GPATCH2: variants seen among roughly 807,000 people sequenced by gnomAD.
The protein encoded by GPATCH2 is G-patch domain containing 2, also known as G patch domain-containing protein 2.
A neutral mutation model predicts 58.0 loss-of-function variants in GPATCH2; 51 were observed. That is an observed-to-expected ratio of 0.88 (90% CI 0.70 to 1.11). The LOEUF is 1.11. GPATCH2 is among the 50% of genes most tolerant of loss of function. The pLI is 0.00. For synonymous variants in GPATCH2, 222 were observed against 218.5 expected, an observed-to-expected ratio of 1.02 and a Z score of -0.14; for missense variants, 625 against 652.2, an observed-to-expected ratio of 0.96 and a Z score of 0.45.
chr1:217,607,673 C>T (rs1668425545), intron 5 of GPATCH2, among the ~76,000 whole-genome samples: 1 of 152,134 alleles, frequency 6.6e-6, no homozygotes, highest in South Asian at 2.1e-4. Context: ...CTGTCTTTCC[C>T]TTAGGAGCCA....
chr1:217,476,085 A>G (rs1192628035), intron 8 of GPATCH2, among the ~76,000 whole-genome samples: 1 of 152,144 alleles, frequency 6.6e-6, no homozygotes, highest in African/African-American at 2.4e-5. Flanking sequence ...AGGGATAGGC[A>G]CATAGAACAA....
intron 8 of GPATCH2, among the ~76,000 whole-genome samples, chr1:217,488,872 T>C (rs938952350): frequency 3.3e-5 from 5 of 151,680 alleles, no homozygotes; most frequent in African/African-American, 1.2e-4. Flanking sequence ...TTTTTTTTTT[T>C]TTTGTAGAGA....
chr1:217,532,054 T>C (rs1033182381), intron 5 of GPATCH2, among the ~76,000 whole-genome samples: 1 of 152,194 alleles, frequency 6.6e-6, no homozygotes, highest in Non-Finnish European at 1.5e-5. Flanking sequence ...AACATGGACA[T>C]AATGTCACTA....
In GPATCH2 at chr1:217,514,873, G is replaced by C. The variant is rs1453778693; in HGVS notation, c.1115C>G (p.Pro372Arg). The C allele has an allele frequency of 5.2e-6, 8 of 1,524,118 alleles. No homozygotes were observed. Among genetic ancestry groups the C allele is most frequent in the Non-Finnish European group, 7.3e-6 (8 of 1,098,368 alleles). 94.4% of individuals were successfully genotyped at this position (1,524,118 alleles called of 1,614,324 possible). Residue 372 changes from proline to arginine, a missense_variant, in exon 6 of 10, where the codon CCA becomes CGA. Coordinates refer to ENST00000366935, the MANE Select transcript of GPATCH2 (RefSeq NM_018040.5). ...ATGAACCATTCTCTTGTTACCCACT[G>C]GGCCAGGAATGGGTACCTACAGGGA... ...TPTSMVPIPG[P>R]VGNKRMVHFS...
In GPATCH2 at chr1:217,449,319, T is replaced by C. The variant is rs370802232; in HGVS notation, c.1296A>G (p.Leu432=). 4.4e-6 allele frequency: 7 copies of C among 1,598,748 alleles called. No individual in the cohort carries two copies. Among genetic ancestry groups the C allele is most frequent in the African/African-American group, 2.7e-5 (2 of 74,736 alleles). ...RTASRQTSMH[L]GSLCTGDIKR... is the part of the protein sequence containing the mutation. ...TGATATCTCCCGTGCATAAGGATCC[T>C]AAATGCATGCTTGTTTGCCTACGAA... The change falls in exon 9 of 10, where the codon TTA becomes TTG. Residue 432 remains leucine, a synonymous_variant. Coordinates refer to ENST00000366935, the MANE Select transcript of GPATCH2 (RefSeq NM_018040.5).
chr1:217,447,821 G>A (rs368671867), intron 9 of GPATCH2, among the ~76,000 whole-genome samples: 2 of 152,100 alleles, frequency 1.3e-5, no homozygotes, highest in Non-Finnish European at 2.9e-5. Context: ...GGCTGGGTGC[G>A]GTGGCTCACG....
chr1:217,624,061 TAC>T (rs1164736392), intron 1 of GPATCH2, among the ~76,000 whole-genome samples: 2 of 152,078 alleles, frequency 1.3e-5, no homozygotes, highest in African/African-American at 2.4e-5. Context: ...CCAGAAAAAA[TAC>T]AGACTTAACA....
chr1:217,519,048 C>T (rs1663321404), intron 5 of GPATCH2, among the ~76,000 whole-genome samples: 1 of 152,126 alleles, frequency 6.6e-6, no homozygotes, highest in Non-Finnish European at 1.5e-5. Flanking sequence ...AGAAACAAGA[C>T]TTTTAAGTAA....
At chr1:217,557,682 C>T (rs917273470) in intron 5 of GPATCH2, among the ~76,000 whole-genome samples, 2 of 152,300 alleles carry the variant, frequency 1.3e-5, no homozygotes, top group South Asian at 4.1e-4. Flanking sequence ...AAAAGTCTAT[C>T]CTTTTCCCAC....
intron 5 of GPATCH2, among the ~76,000 whole-genome samples, chr1:217,597,728 C>A (rs1168797206): frequency 6.6e-6 from 1 of 152,146 alleles, no homozygotes; most frequent in East Asian, 1.9e-4. Context: ...TGAAAGTCTG[C>A]ACAATGAATG....
chr1:217,609,546 C>T, intron 5 of GPATCH2: 1 of 977,916 alleles, frequency 1.0e-6, no homozygotes, highest in Non-Finnish European at 1.2e-6. Flanking sequence ...AATGAGTTTG[C>T]AATACAAGCA....
intron 5 of GPATCH2, among the ~76,000 whole-genome samples, chr1:217,559,200 G>GTC (rs1419138060): frequency 1.3e-5 from 2 of 152,076 alleles, no homozygotes; most frequent in Non-Finnish European, 2.9e-5. Flanking sequence ...TAGATGGCAT[G>GTC]TGTAGAGCTT....
intron 5 of GPATCH2, among the ~76,000 whole-genome samples, chr1:217,566,256 A>C (rs1353877780): frequency 2.6e-5 from 4 of 152,160 alleles, no homozygotes; most frequent in Non-Finnish European, 5.9e-5. Flanking sequence ...GCCTCAGCTG[A>C]AGCAATTCAA....
chr1:217,514,772 AG>A, intron 6 of GPATCH2, 49 bp downstream of exon 6: 3 of 813,890 alleles, frequency 3.7e-6, no homozygotes, highest in Non-Finnish European at 6.4e-6. Context: ...TTCCCAAAAG[AG>A]CTAAGTAGAA....
intron 8 of GPATCH2, among the ~76,000 whole-genome samples, chr1:217,454,219 C>T (rs1659811602): frequency 6.6e-6 from 1 of 152,088 alleles, no homozygotes; most frequent in African/African-American, 2.4e-5. Context: ...CCTTTAGTAC[C>T]CAAACGCACA....
chr1:217,606,780 C>G (rs868061898), intron 5 of GPATCH2, among the ~76,000 whole-genome samples: 1 of 152,210 alleles, frequency 6.6e-6, no homozygotes, highest in Middle Eastern at 3.4e-3. Context: ...GTCCACAATT[C>G]TGCACTTTGA....
At chr1:217,509,882 G>A (rs1662759125) in intron 6 of GPATCH2, among the ~76,000 whole-genome samples, 1 of 152,008 alleles carries the variant, frequency 6.6e-6, no homozygotes, top group Admixed American at 6.5e-5. Flanking sequence ...CTGTAATCAA[G>A]TAAAAATAAA....
chr1:217,502,185 T>G (rs545606976), intron 6 of GPATCH2, among the ~76,000 whole-genome samples: 1 of 152,214 alleles, frequency 6.6e-6, no homozygotes, highest in African/African-American at 2.4e-5. Flanking sequence ...TTTAAAAAAA[T>G]TGTTTTTGTG....
At chr1:217,557,879 C>T (rs180830501) in intron 5 of GPATCH2, among the ~76,000 whole-genome samples, 4 of 152,184 alleles carry the variant, frequency 2.6e-5, no homozygotes, top group Admixed American at 6.5e-5. Context: ...ACCATCATAC[C>T]GTAAAATAAG....
Sources: gnomAD v4.1 joint callset for allele counts (sites outside exome capture counted in the v4.1 genomes callset) on GRCh38, gnomAD v4.1.1 for gene constraint, MANE v1.5 for transcripts, NCBI Gene and HGNC (gene_info 2026-07-23, HGNC 2026-07-21) for gene names.